The following AKAP9 variants were observed in gnomAD, a reference collection of about 807,000 sequenced individuals.
AKAP9 encodes the protein A-kinase anchor protein 9.
Under a neutral mutation model 488.5 loss-of-function variants are expected in AKAP9, and 311 were observed. The observed-to-expected ratio is 0.64, with a 90% CI of 0.58 to 0.70. The LOEUF is 0.70. Among genes scored for constraint, AKAP9 ranks in the 30% least tolerant of loss-of-function variants. AKAP9 has a pLI of 0.00. For missense variants in AKAP9, 4,215 were observed against 4,374.5 expected (o/e 0.96, Z 1.03); for synonymous variants, 1,462 against 1,483.5 (o/e 0.99, Z 0.33).
At chr7:91,964,677 A>G (rs1468739971) in intron 1 of AKAP9, among the ~76,000 whole-genome samples, 1 of 152,188 alleles carries the variant, frequency 6.6e-6, no homozygotes, top group Non-Finnish European at 1.5e-5. Context: ...CTTTTAGTTC[A>G]TCTGCTTGTG....
chr7:92,055,474 T>G (rs1226383047), intron 22 of AKAP9, among the ~76,000 whole-genome samples: 1 of 152,056 alleles, frequency 6.6e-6, no homozygotes, highest in Non-Finnish European at 1.5e-5. Flanking sequence ...CAAAAGTGTT[T>G]TACAGTTTGA....
At chr7:92,091,647 G>GA (rs145034400) in intron 38 of AKAP9, among the ~76,000 whole-genome samples, 27 of 141,904 alleles carry the variant, frequency 1.9e-4, no homozygotes, top group East Asian at 6.1e-4. Flanking sequence ...GTTTAAGAAG[G>GA]AAAAAAAAAA....
In AKAP9 at chr7:91,994,708, GATGAGACA is replaced by G; in HGVS notation, c.671_678del (p.Thr224ArgfsTer22). ...TTTACAACAAGCAAGAAGAGAAAAG[GATGAGACA>G]ATGAGAGAATTTTTAGAGTTGACAG... On this transcript the variant is annotated frameshift_variant, in exon 6 of 50. Transcript: ENST00000356239. LOFTEE classifies it high-confidence loss of function. 1 of 1,613,306 alleles carries G rather than the reference GATGAGACA, an allele frequency of 6.2e-7. No homozygotes were observed. The highest frequency in any genetic ancestry group is 8.5e-7 in the Non-Finnish European group (1 of 1,179,616).
intron 10 of AKAP9, among the ~76,000 whole-genome samples, chr7:92,015,655 C>T (rs946407443): frequency 3.9e-5 from 6 of 152,090 alleles, no homozygotes; most frequent in Middle Eastern, 3.2e-3. Context: ...TGAGCCACCA[C>T]GCCTGGCCTC....
chr7:92,056,217 G>A (rs535992442), intron 22 of AKAP9, among the ~76,000 whole-genome samples: 10 of 151,874 alleles, frequency 6.6e-5, no homozygotes, highest in African/African-American at 2.4e-4. Context: ...TTCTTATCCT[G>A]ACCGAAATGT....
At chr7:92,061,621 A>AT (rs1809856756) in intron 23 of AKAP9, among the ~76,000 whole-genome samples, 199 bp downstream of exon 23, 5 of 93,878 alleles carry the variant, frequency 5.3e-5, no homozygotes, top group African/African-American at 1.6e-4. Flanking sequence ...TATATATATA[A>AT]AATTATAAAA....
intron 28 of AKAP9, among the ~76,000 whole-genome samples, chr7:92,073,657 T>C (rs1812102076): frequency 6.6e-6 from 1 of 152,210 alleles, no homozygotes; most frequent in African/African-American, 2.4e-5. Flanking sequence ...ACAGGCTCAA[T>C]AAGAAGAGAG....
At chr7:91,997,233 C>T (rs775116399) in intron 7 of AKAP9, among the ~76,000 whole-genome samples, 1 of 152,172 alleles carries the variant, frequency 6.6e-6, no homozygotes, top group Non-Finnish European at 1.5e-5. Context: ...GTGCCCTTTT[C>T]TTCACTGGAA....
At chr7:92,011,667 G>A (rs560869577) in intron 8 of AKAP9, among the ~76,000 whole-genome samples, 13 of 152,276 alleles carry the variant, frequency 8.5e-5, no homozygotes, top group Non-Finnish European at 1.5e-4. Flanking sequence ...TCAGTGGAGC[G>A]TAATGGAAAG....
intron 46 of AKAP9, among the ~76,000 whole-genome samples, chr7:92,103,651 C>T (rs111528927): frequency 0.05 from 7,559 of 149,844 alleles, 268 homozygotes; most frequent in Non-Finnish European, 0.078. Flanking sequence ...GCTGAGATCG[C>T]GCCACTGCAC....
At chr7:91,975,535 C>T (rs188275109) in intron 2 of AKAP9, among the ~76,000 whole-genome samples, 3 of 152,126 alleles carry the variant, frequency 2.0e-5, no homozygotes, top group African/African-American at 4.8e-5. Context: ...TGAATTCCTT[C>T]GATTTTTCCT....
chr7:92,109,130 G>T, intron 49 of AKAP9: 1 of 231,386 alleles, frequency 4.3e-6, no homozygotes, highest in Non-Finnish European at 8.7e-6. Flanking sequence ...AGCACTTAAT[G>T]TAACCATTAT....
At chr7:92,088,023 A>T (rs142758603) in intron 37 of AKAP9, among the ~76,000 whole-genome samples, 5 of 152,108 alleles carry the variant, frequency 3.3e-5, no homozygotes, top group African/African-American at 1.2e-4. Flanking sequence ...TATTCAGGCA[A>T]TAGTTCGCAA....
At chr7:91,978,815 G>A (rs1423107992) in intron 2 of AKAP9, among the ~76,000 whole-genome samples, 2 of 151,486 alleles carry the variant, frequency 1.3e-5, no homozygotes, top group Admixed American at 6.6e-5. Flanking sequence ...AGAGTGCAAT[G>A]GCATGATCTT....
intron 8 of AKAP9, among the ~76,000 whole-genome samples, chr7:92,007,743 A>G (rs1800115262): frequency 6.6e-6 from 1 of 152,234 alleles, no homozygotes; most frequent in African/African-American, 2.4e-5. Flanking sequence ...AGAAATGCAC[A>G]AGAAGAGTCA....
intron 1 of AKAP9, among the ~76,000 whole-genome samples, chr7:91,954,476 A>G (rs1387085377): frequency 1.3e-5 from 2 of 152,008 alleles, no homozygotes; most frequent in East Asian, 3.9e-4. Flanking sequence ...GGGTCTCACT[A>G]TGTTGCGTAG....
intron 36 of AKAP9, 30 bp downstream of exon 36, chr7:92,085,716 A>AT: frequency 6.7e-7 from 1 of 1,485,126 alleles, no homozygotes. Context: ...CATTTAAATC[A>AT]TTTTATGTAT....
At chr7:91,968,110 T>G (rs1316804051) in intron 1 of AKAP9, among the ~76,000 whole-genome samples, 1 of 152,134 alleles carries the variant, frequency 6.6e-6, no homozygotes. Context: ...GCTAATTTTT[T>G]GTATTTTGGT....
At chr7:92,094,840 A>G (rs936920696) in intron 39 of AKAP9, among the ~76,000 whole-genome samples, 183 bp from the exon 40 acceptor site, 2 of 152,232 alleles carry the variant, frequency 1.3e-5, no homozygotes, top group African/African-American at 4.8e-5. Context: ...TCGAAACAAA[A>G]CAACAAAAAA....
Sources: gnomAD v4.1 joint callset for allele counts (sites outside exome capture counted in the v4.1 genomes callset) on GRCh38, gnomAD v4.1.1 for gene constraint, MANE v1.5 for transcripts, NCBI Gene and HGNC (gene_info 2026-07-23, HGNC 2026-07-21) for gene names.